Variants in DLC1 observed in about 807,000 individuals in gnomAD.
The protein encoded by DLC1 is rho GTPase-activating protein 7.
Under a neutral mutation model 140.3 loss-of-function variants are expected in DLC1, and 54 were observed. The observed-to-expected ratio is 0.38, with a 90% CI of 0.31 to 0.48. The LOEUF (loss-of-function observed/expected upper bound fraction) is 0.48. Ranked by LOEUF, DLC1 falls within the 20% of genes least tolerant of loss-of-function variation. The pLI is 0.96. For missense variants in DLC1, 2,536 were observed against 1,907.0 expected (o/e 1.33, Z -6.14); for synonymous variants, 986 against 728.1 (o/e 1.35, Z -5.70).
At chr8:13,404,713 C>A (rs967021770) in intron 2 of DLC1, among the ~76,000 whole-genome samples, 1 of 152,170 alleles carries the variant, frequency 6.6e-6, no homozygotes, top group Admixed American at 6.5e-5. Context: ...TTGTGTACTT[C>A]TGGGCCAGGC....
At position 13,500,035 on chromosome 8, in the gene DLC1, G is replaced by A; in HGVS notation, c.37C>T (p.His13Tyr). 3.7e-6 allele frequency: 6 copies of A among 1,613,958 alleles called. No individual in the cohort carries two copies. The Admixed American group carries it at 6.7e-5, about 18-fold the overall frequency. Reference sequence around the variant, plus strand: ...GGCTGTCCCATCCAGTGGGTCACATGTTCTTCCCAGCTTCTCTTTCTGATA... The same window carrying A: ...GGCTGTCCCATCCAGTGGGTCACATATTCTTCCCAGCTTCTCTTTCTGATA... ...VAIRKRSWEE[H>Y]VTHWMGQPFN... The change falls in exon 2 of 18, where the codon CAT (histidine) becomes TAT (tyrosine). Residue 13 changes from histidine (H) to tyrosine (Y), a missense_variant. Physicochemically the swap from His to Tyr is moderately conservative, Grantham distance 83. Coordinates refer to ENST00000276297, the MANE Select transcript of DLC1 (RefSeq NM_182643.3).
In DLC1 at chr8:13,092,602, C is replaced by T. The variant is rs778396952; in HGVS notation, c.3740+10G>A. 8.1e-6 allele frequency: 13 copies of T among 1,613,286 alleles called. No homozygotes were observed. Among genetic ancestry groups the T allele is most frequent in the South Asian group, 1.1e-5 (1 of 90,882 alleles). ...CCCCTGTGTGCATGCACCTCCCATG[C>T]AGCCCGTACCTGGGAGAGGAATTCT... On this transcript the variant is annotated intron_variant, in intron 13 of 17. Transcript: ENST00000276297.
At chr8:13,157,841 C>T (rs78595724) in intron 5 of DLC1, among the ~76,000 whole-genome samples, 135 of 152,240 alleles carry the variant, frequency 8.9e-4, no homozygotes, top group African/African-American at 3.1e-3. Context: ...GGGCAATTGA[C>T]GTTTTTTCCT....
chr8:13,191,038 G>A (rs1826723114), intron 5 of DLC1, among the ~76,000 whole-genome samples: 1 of 152,112 alleles, frequency 6.6e-6, no homozygotes, highest in South Asian at 2.1e-4. Flanking sequence ...AGATAACGAG[G>A]TAGAAAAGTA....
At chr8:13,300,831 T>C (rs953953439) in intron 5 of DLC1, among the ~76,000 whole-genome samples, 2 of 152,202 alleles carry the variant, frequency 1.3e-5, no homozygotes, top group African/African-American at 4.8e-5. Flanking sequence ...AGGTTATATA[T>C]TTTCAAAGAT....
At chr8:13,321,543 G>GAAAAAAAAAA (rs869200841) in intron 4 of DLC1, among the ~76,000 whole-genome samples, 1 of 10,472 alleles carries the variant, frequency 9.5e-5, no homozygotes, top group African/African-American at 2.1e-4. Context: ...TCTCAAAAAA[G>GAAAAAAAAAA]AAAAAAAAAA....
intron 1 of DLC1, among the ~76,000 whole-genome samples, chr8:13,511,341 A>G (rs933028200): frequency 6.6e-5 from 10 of 150,966 alleles, no homozygotes; most frequent in South Asian, 4.2e-4. Flanking sequence ...TTGGCATTTG[A>G]GTCACTGTTT....
At chr8:13,255,944 C>T (rs1308217860) in intron 5 of DLC1, among the ~76,000 whole-genome samples, 1 of 152,118 alleles carries the variant, frequency 6.6e-6, no homozygotes, top group Non-Finnish European at 1.5e-5. Context: ...CATTTTGCTA[C>T]AACACAGTAT....
chr8:13,268,522 C>A (rs1453898168), intron 5 of DLC1, among the ~76,000 whole-genome samples: 1 of 152,120 alleles, frequency 6.6e-6, no homozygotes, highest in African/African-American at 2.4e-5. Flanking sequence ...GTATTTGGGG[C>A]TACAGGTGCA....
At chr8:13,168,539 A>G (rs748689076) in intron 5 of DLC1, among the ~76,000 whole-genome samples, 2 of 152,200 alleles carry the variant, frequency 1.3e-5, no homozygotes, top group Non-Finnish European at 2.9e-5. Flanking sequence ...ACGTAGATTA[A>G]TGGTCAGGAT....
Position 13,164,324 on chromosome 8 carries a change from A to C in DLC1, c.1349-48667T>G, listed in dbSNP as rs575526313. ...AAAAAAAAAATCTCTATATCTATCT[A>C]TCTATCTGTCTGTCTGTCTGTCTGT... On this transcript the variant is annotated intron_variant, in intron 5 of 17. Coordinates refer to ENST00000276297, the MANE Select transcript of DLC1 (RefSeq NM_182643.3). 3.4e-5 allele frequency among the ~76,000 whole-genome samples: 5 copies of C among 147,862 alleles called. No individual in the cohort carries two copies. In the East Asian group the frequency reaches 9.8e-4, roughly 29 times the overall value.
chr8:13,191,954 A>ATTATTATTT lies in DLC1; in HGVS notation c.1349-76298_1349-76297insAAATAATAA, dbSNP rs1210187681. Among the ~76,000 whole-genome samples, 4 of 149,432 alleles carry ATTATTATTT rather than the reference A, an allele frequency of 2.7e-5. No homozygotes were observed. The East Asian group carries it at 7.8e-4, about 29-fold the overall frequency. ...TATTATTATTATTATTATTATTATT[A>ATTATTATTT]TTATTTTTATGGAGTCTTGCTCTGT... On this transcript the variant is annotated intron_variant, in intron 5 of 17. Coordinates refer to ENST00000276297, the MANE Select transcript of DLC1 (RefSeq NM_182643.3).
At chr8:13,520,705 T>A (rs999047382) in intron 1 of DLC1, among the ~76,000 whole-genome samples, 2 of 151,958 alleles carry the variant, frequency 1.3e-5, no homozygotes, top group East Asian at 1.9e-4. Context: ...AGCGAATGAG[T>A]CTGCCTGCCT....
At chr8:13,458,815 GTCTT>G (rs1226897859) in intron 2 of DLC1, among the ~76,000 whole-genome samples, 1 of 145,180 alleles carries the variant, frequency 6.9e-6, no homozygotes, top group Non-Finnish European at 1.5e-5. Context: ...CAAGCCCACA[GTCTT>G]TCTTCATTTG....
At chr8:13,110,311 A>G (rs1277529327) in intron 7 of DLC1, among the ~76,000 whole-genome samples, 5 of 152,192 alleles carry the variant, frequency 3.3e-5, no homozygotes, top group Non-Finnish European at 7.3e-5. Context: ...TCGTCCTATC[A>G]TTATTTTATA....
chr8:13,185,540 C>T (rs1311005942), intron 5 of DLC1, among the ~76,000 whole-genome samples: 1 of 152,058 alleles, frequency 6.6e-6, no homozygotes, highest in African/African-American at 2.4e-5. Context: ...ACCTCCTGAC[C>T]TTGTGATCTG....
At chr8:13,370,116 C>T (rs1413926183) in intron 4 of DLC1, among the ~76,000 whole-genome samples, 1 of 151,116 alleles carries the variant, frequency 6.6e-6, no homozygotes, top group Non-Finnish European at 1.5e-5. Context: ...ACTCAAAAAC[C>T]TAATGTCACC....
intron 5 of DLC1, among the ~76,000 whole-genome samples, chr8:13,142,147 C>T (rs78890306): frequency 0.023 from 3,508 of 152,288 alleles, 60 homozygotes; most frequent in Non-Finnish European, 0.031. Context: ...CTTCAGCTTC[C>T]GCCATGATTG....
chr8:13,125,632 C>T (rs1821488012), intron 5 of DLC1, among the ~76,000 whole-genome samples: 1 of 152,148 alleles, frequency 6.6e-6, no homozygotes, highest in African/African-American at 2.4e-5. Flanking sequence ...AGGTTAGGCC[C>T]TTCTTGCCTA....
Sources: allele counts gnomAD v4.1 joint callset (sites outside exome capture counted in the v4.1 genomes callset), GRCh38; gene constraint gnomAD v4.1.1; transcripts MANE v1.5; gene names NCBI Gene and HGNC (gene_info 2026-07-23, HGNC 2026-07-21).